Variants in MYBPC1 observed in about 807,000 individuals in gnomAD.
MYBPC1 encodes the protein myosin-binding protein C, slow-type.
Under a neutral mutation model 147.1 loss-of-function variants are expected in MYBPC1, and 52 were observed. That is an observed-to-expected ratio of 0.35 (90% CI 0.28 to 0.45). The LOEUF is 0.45. Ranked by LOEUF, MYBPC1 falls within the 20% of genes least tolerant of loss-of-function variation. The probability of loss-of-function intolerance (pLI) is 1.00; values close to 1 mark genes in which losing one functional copy is unlikely to be tolerated. For synonymous variants in MYBPC1, 477 were observed against 475.9 expected (o/e 1.00, Z -0.03); for missense variants, 1,228 against 1,440.3 (o/e 0.85, Z 2.39).
chr12:101,667,799 A>G lies in MYBPC1; in HGVS notation c.2424A>G (p.Pro808=). 6.2e-7 allele frequency: 1 copy of G among 1,614,234 alleles called. No homozygotes were observed. The highest frequency in any genetic ancestry group is 1.3e-5 in the African/African-American group (1 of 75,066). The change falls in exon 23 of 32, where the codon CCA becomes CCG. Residue 808 remains proline, a synonymous_variant. Transcript: ENST00000361466. ...CGAAGTTCACCATCACAGGTCTGCCAACAGATGCAAAGATCTTTGTGCGTG... is the reference window on the plus strand; with the variant it reads ...CGAAGTTCACCATCACAGGTCTGCCGACAGATGCAAAGATCTTTGTGCGTG... ...DKTKFTITGL[P]TDAKIFVRVK...
intron 2 of MYBPC1, 73 bp downstream of exon 2, chr12:101,614,604 C>T: frequency 2.6e-6 from 4 of 1,513,878 alleles, no homozygotes; most frequent in Non-Finnish European, 3.6e-6. Flanking sequence ...GATTTGGCCT[C>T]CACGGGTGCT....
intron 7 of MYBPC1, 61 bp from the exon 8 acceptor site, chr12:101,631,960 C>A: frequency 7.0e-7 from 1 of 1,421,670 alleles, no homozygotes; most frequent in Non-Finnish European, 9.9e-7. Flanking sequence ...AGCTTTAAGC[C>A]AATGCTGAGA....
chr12:101,629,258 G>C lies in MYBPC1; in HGVS notation c.179-176G>C, dbSNP rs1046124003. 7.9e-5 allele frequency: 51 copies of C among 644,806 alleles called. No homozygotes were observed. The East Asian group carries it at 1.4e-3, about 18-fold the overall frequency. The allele number at this position is 644,806 out of a possible 1,614,324, so 39.9% of individuals were successfully genotyped here. On this transcript the variant is annotated intron_variant, in intron 5 of 31. Coordinates refer to ENST00000361466, the MANE Select transcript of MYBPC1 (RefSeq NM_002465.4). ...ATGGAAGAGATACCCCTGTAAGAAT[G>C]GGAATCTGTTCCCCTCTACTGATGG...
rs755501894 is a variant in MYBPC1, at chr12:101,644,658, T to C, written c.833-6T>C. ...TAACATACTTTTGCTTCTTCTATTC[T>C]ATCAGCTTTTGCAAAAATTCTTGAT... On this transcript the variant is annotated splice_region_variant and splice_polypyrimidine_tract_variant and intron_variant, in intron 11 of 31. Transcript: ENST00000361466. 1.9e-6 allele frequency: 3 copies of C among 1,611,480 alleles called. No homozygotes were observed.
At chr12:101,690,912 T>G (rs1951402886), downstream of MYBPC1, among the ~76,000 whole-genome samples, 1 of 152,160 alleles carries the variant, frequency 6.6e-6, no homozygotes, top group Non-Finnish European at 1.5e-5. Flanking sequence ...TATAAAAGTA[T>G]AAAACCCAAG....
At position 101,644,688 on chromosome 12, in the gene MYBPC1, C is replaced by T. The variant is rs909428410; in HGVS notation, c.857C>T (p.Ala286Val). Residue 286 changes from alanine to valine, a missense_variant, in exon 12 of 32, where the codon GCA (alanine) becomes GTA (valine). Around this residue, in one of 2 missense-constraint regions of MYBPC1, gnomAD observed 1,077 missense variants for 1,314.2 expected, o/e 0.82. Coordinates refer to ENST00000361466, the MANE Select transcript of MYBPC1 (RefSeq NM_002465.4). Reference sequence around the variant, plus strand: ...GCTTTTGCAAAAATTCTTGATCCTGCATATCAGGTTGACAAAGGAGGCAGA... The same window carrying T: ...GCTTTTGCAAAAATTCTTGATCCTGTATATCAGGTTGACAAAGGAGGCAGA... ...SAAFAKILDP[A>V]YQVDKGGRVR... The T allele has an allele frequency of 1.2e-6, 2 of 1,613,854 alleles. No individual in the cohort carries two copies. The highest frequency in any genetic ancestry group is 1.7e-6 in the Non-Finnish European group (2 of 1,179,806).
At chr12:101,688,907 C>G (rs12372130), downstream of MYBPC1, among the ~76,000 whole-genome samples, 260 of 145,288 alleles carry the variant, frequency 1.8e-3, 1 homozygote, top group African/African-American at 5.9e-3. Context: ...GAGCTGAGAT[C>G]GCACCACTGC....
In MYBPC1 at chr12:101,651,342, A is replaced by G. The variant is rs988451415; in HGVS notation, c.1475A>G (p.Asn492Ser). 4 of 1,614,038 alleles carry G rather than the reference A, an allele frequency of 2.5e-6. No individual in the cohort carries two copies. The African/African-American group carries it at 4.0e-5, about 16-fold the overall frequency. Residue 492 changes from asparagine to serine, a missense_variant, in exon 16 of 32, where the codon AAT (asparagine) becomes AGT (serine). Asn to Ser is a conservative substitution (Grantham distance 46). Around this residue, in one of 2 missense-constraint regions of MYBPC1, gnomAD observed 1,077 missense variants for 1,314.2 expected, o/e 0.82. Transcript: ENST00000361466. ...AACATACCAGGAAAATGGACTAAAA[A>G]TGGCCTACCTGTTCAGGAGAGTGAC... ...SENIPGKWTK[N>S]GLPVQESDRL...
chr12:101,681,405 T>C (rs1950931102), intron 29 of MYBPC1, among the ~76,000 whole-genome samples: 1 of 151,162 alleles, frequency 6.6e-6, no homozygotes, highest in Admixed American at 6.6e-5. Context: ...CCAACCTCTC[T>C]ATAATGAAGA....
At chr12:101,599,172 T>A (rs987810380) in intron 1 of MYBPC1, among the ~76,000 whole-genome samples, 1 of 152,224 alleles carries the variant, frequency 6.6e-6, no homozygotes, top group African/African-American at 2.4e-5. Context: ...GGTGCCATTC[T>A]GATAACTTTA....
intron 10 of MYBPC1, among the ~76,000 whole-genome samples, chr12:101,640,106 C>T (rs1410252628): frequency 6.6e-6 from 1 of 152,138 alleles, no homozygotes; most frequent in African/African-American, 2.4e-5. Context: ...CCTCGACCTC[C>T]TGGGCTCAAG....
chr12:101,680,234 C>T (rs1450382257), intron 28 of MYBPC1, 109 bp from the exon 29 acceptor site: 1 of 1,039,514 alleles, frequency 9.6e-7, no homozygotes, highest in African/African-American at 1.6e-5. Context: ...TTCTCAGATG[C>T]ACTTTCTTTT....
rs143365816 is a variant in MYBPC1, at chr12:101,641,006, G to T, written c.666-1413G>T. On this transcript the variant is annotated intron_variant, in intron 10 of 31. Transcript: ENST00000361466. ...ACACACCTGTAATCCCAGCTACTTG[G>T]GAGACTGAGGCAGGAGAATCGTTAG... Among the ~76,000 whole-genome samples the T allele has an allele frequency of 5.4e-3, 817 of 151,862 alleles. 6 individuals are homozygous for T. Among genetic ancestry groups the T allele is most frequent in the African/African-American group, 0.018 (759 of 41,374 alleles).
chr12:101,601,283 C>T (rs1879816376), intron 1 of MYBPC1, among the ~76,000 whole-genome samples: 1 of 152,192 alleles, frequency 6.6e-6, no homozygotes, highest in Non-Finnish European at 1.5e-5. Context: ...AGTGATCATA[C>T]TGTCTTGTCG....
chr12:101,607,015 G>T (rs539695247), intron 1 of MYBPC1, among the ~76,000 whole-genome samples: 1 of 151,972 alleles, frequency 6.6e-6, no homozygotes, highest in Non-Finnish European at 1.5e-5. Context: ...TGGTAGAGAT[G>T]TGGTTTTGCC....
downstream of MYBPC1, among the ~76,000 whole-genome samples, chr12:101,686,209 G>A (rs1030934693): frequency 9.2e-5 from 14 of 152,154 alleles, no homozygotes; most frequent in African/African-American, 3.1e-4. Flanking sequence ...TCAGTAGAAG[G>A]GATGGTACAA....
chr12:101,619,355 A>G (rs1886861427), intron 3 of MYBPC1, among the ~76,000 whole-genome samples: 1 of 151,992 alleles, frequency 6.6e-6, no homozygotes, highest in South Asian at 2.1e-4. Context: ...CCATCATTCA[A>G]TCACTCTTGT....
At chr12:101,633,548 G>A (rs930055604) in intron 8 of MYBPC1, among the ~76,000 whole-genome samples, 12 of 151,842 alleles carry the variant, frequency 7.9e-5, no homozygotes, top group African/African-American at 2.7e-4. Context: ...TTAGCCAGGC[G>A]TGGTGGTGGG....
the MYBPC1 span, among the ~76,000 whole-genome samples, chr12:101,693,341 TAAATA>T: frequency 6.6e-6 from 1 of 152,336 alleles, no homozygotes; most frequent in African/African-American, 2.4e-5. Flanking sequence ...ATAGATTGCA[TAAATA>T]ATAGTAAAAT....
Sources: allele counts gnomAD v4.1 joint callset (sites outside exome capture counted in the v4.1 genomes callset), GRCh38; gene constraint gnomAD v4.1.1; regional missense constraint gnomAD v4.1.1; transcripts MANE v1.5; gene names NCBI Gene and HGNC (gene_info 2026-07-23, HGNC 2026-07-21).